The following BROX variants were observed in gnomAD, a reference collection of about 807,000 sequenced individuals.
The protein encoded by BROX is BRO1 domain and CAAX motif containing.
Under a neutral mutation model 61.0 loss-of-function variants are expected in BROX, and 53 were observed. The observed-to-expected ratio is 0.87, with a 90% confidence interval of 0.70 to 1.09. The LOEUF (loss-of-function observed/expected upper bound fraction) is 1.09, where lower values mean the gene tolerates loss of function less well. BROX is among the 50% of genes least tolerant of loss of function. The pLI, the probability that BROX is intolerant of heterozygous loss-of-function variation, is 0.00. For synonymous variants in BROX, 152 were observed against 160.2 expected, an observed-to-expected ratio of 0.95 and a Z score of 0.38; for missense variants, 489 against 472.0, an observed-to-expected ratio of 1.04 and a Z score of -0.33.
chr1:222,722,283 A>G (rs1657157808), intron 4 of BROX, 136 bp from the exon 5 acceptor site: 2 of 719,364 alleles, frequency 2.8e-6, no homozygotes, highest in Non-Finnish European at 4.8e-6. Flanking sequence ...CCCCATCTAT[A>G]TTAAACACAA....
chr1:222,720,976 G>A lies in BROX; in HGVS notation c.306-1443G>A, dbSNP rs139496104. ...GATTGCTGCTTACTCAGTGGAAATC[G>A]TGTTGTGAGTTTATCTGTTCTGAAA... On this transcript the variant is annotated intron_variant, in intron 4 of 12. Coordinates refer to ENST00000340934, the MANE Select transcript of BROX (RefSeq NM_144695.4). Among the ~76,000 whole-genome samples, 18 of 152,212 alleles carry A rather than the reference G, an allele frequency of 1.2e-4. No individual in the cohort carries two copies. In the East Asian group the frequency reaches 2.1e-3, roughly 18 times the overall value.
intron 1 of BROX, chr1:222,713,721 TAA>T (rs1656277352): frequency 6.6e-6 from 1 of 152,188 alleles, no homozygotes; most frequent in Non-Finnish European, 1.5e-5. Context: ...GAGGCCGCAT[TAA>T]AAGAAGTATT....
rs1656126504 is a variant in BROX, at chr1:222,712,567, G to C, written c.-392G>C. On this transcript the variant is annotated 5_prime_UTR_variant, in exon 1 of 13. Transcript: ENST00000340934. ...CGGGTTAGGTTGAGGCCGCCCCACT[G>C]CGCCGAGGGCCGCCATCGCTATTGC... 1.4e-6 allele frequency: 2 copies of C among 1,379,512 alleles called. No homozygotes were observed. Among genetic ancestry groups the C allele is most frequent in the South Asian group, 3.0e-5 (2 of 66,840 alleles). 85.5% of individuals were successfully genotyped at this position (1,379,512 alleles called of 1,614,324 possible).
Position 222,728,768 on chromosome 1 carries a change from T to A in BROX, c.696T>A (p.Pro232=). ...ATCATACTTTATCCAGTTTGGAGCC[T>A]GCATATTCTGCCAAATGGAGAAAAT... is the stretch of plus-strand genomic sequence containing the variant. The part of the protein sequence containing the change: ...KADHTLSSLE[P]AYSAKWRKYL... The change falls in exon 9 of 13, where the codon CCT becomes CCA. Residue 232 remains proline, a synonymous_variant. Transcript: ENST00000340934. 1 of 1,603,064 alleles carries A rather than the reference T, an allele frequency of 6.2e-7. No individual in the cohort carries two copies. The highest frequency in any genetic ancestry group is 8.5e-7 in the Non-Finnish European group (1 of 1,171,902).
Position 222,712,676 on chromosome 1 carries a change from G to A in BROX, c.-283G>A. Reference sequence around the variant, plus strand: ...GACCATAGCTCAAAAGGAAGGCCGAGGGAGAAGTTAGAAAGGGATGATGAA... The same window carrying A: ...GACCATAGCTCAAAAGGAAGGCCGAAGGAGAAGTTAGAAAGGGATGATGAA... On this transcript the variant is annotated 5_prime_UTR_variant, in exon 1 of 13. Transcript: ENST00000340934. 1 of 1,298,090 alleles carries A rather than the reference G, an allele frequency of 7.7e-7. No individual in the cohort carries two copies. The highest frequency in any genetic ancestry group is 1.0e-6 in the Non-Finnish European group (1 of 993,694). 80.4% of individuals were successfully genotyped at this position (1,298,090 alleles called of 1,614,324 possible). A position where few individuals can be genotyped will look rare whatever the true frequency, so the allele number is the denominator to read the frequency against.
chr1:222,714,068 C>T (rs1416895454), intron 1 of BROX: 1 of 152,128 alleles, frequency 6.6e-6, no homozygotes, highest in Non-Finnish European at 1.5e-5. Flanking sequence ...TTTTTTAGTG[C>T]CTTCAAATTA....
At chr1:222,724,796 T>TG (rs1267035850) in intron 6 of BROX, among the ~76,000 whole-genome samples, 1 of 152,032 alleles carries the variant, frequency 6.6e-6, no homozygotes, top group Non-Finnish European at 1.5e-5. Flanking sequence ...AGAATTGTAG[T>TG]GGGGTTTTTT....
Position 222,729,690 on chromosome 1 carries a change from A to C in BROX, c.827A>C (p.Glu276Ala), listed in dbSNP as rs771949126. 1.2e-6 allele frequency: 2 copies of C among 1,610,484 alleles called. No homozygotes were observed. ...KCGEAIRSLQ[E>A]AEKLYAKAEA... ...GGTGAAGCAATCAGGTCTCTCCAAG[A>C]AGCAGAAAAATGTAAGTTTTCCTGC... The change falls in exon 10 of 13, where the codon GAA (glutamate) becomes GCA (alanine). Residue 276 changes from glutamate (E) to alanine (A), a missense_variant. Coordinates refer to ENST00000340934, the MANE Select transcript of BROX (RefSeq NM_144695.4).
chr1:222,732,818 A>G lies in BROX; in HGVS notation c.*104A>G, dbSNP rs778371692. The stretch of plus-strand genomic sequence containing the variant: ...TTTCTCTGAAGCTTGTAGAATAACT[A>G]TTATATTCAGAGGGTTATCTGCCTT... On this transcript the variant is annotated 3_prime_UTR_variant, in exon 13 of 13. Transcript: ENST00000340934. The G allele has an allele frequency of 4.8e-4, 439 of 906,478 alleles. 1 individual carries two copies. The highest frequency in any genetic ancestry group is 4.9e-4 in the Non-Finnish European group (289 of 589,976). 56.2% of individuals were successfully genotyped at this position (906,478 alleles called of 1,614,324 possible).
At chr1:222,723,339 CTA>C (rs767497733) in intron 5 of BROX, among the ~76,000 whole-genome samples, 8 of 152,310 alleles carry the variant, frequency 5.3e-5, no homozygotes, top group South Asian at 2.1e-4. Context: ...TGAGTTCTCA[CTA>C]TGTTTCCTGG....
intron 12 of BROX, among the ~76,000 whole-genome samples, chr1:222,731,749 T>C (rs543727470): frequency 3.3e-5 from 5 of 152,356 alleles, no homozygotes; most frequent in African/African-American, 1.2e-4. Flanking sequence ...ACACATTATC[T>C]TGCCTCTTTA....
At chr1:222,724,826 G>T (rs1657381166) in intron 6 of BROX, among the ~76,000 whole-genome samples, 1 of 152,012 alleles carries the variant, frequency 6.6e-6, no homozygotes, top group African/African-American at 2.4e-5. Context: ...ACAGAGTCTT[G>T]CACTGTCGCC....
In BROX at chr1:222,733,784, A is replaced by G. The variant is rs1390981347; in HGVS notation, c.*1070A>G. 2 of 152,230 alleles carry G rather than the reference A, an allele frequency of 1.3e-5. No homozygotes were observed. Among genetic ancestry groups the G allele is most frequent in the Non-Finnish European group, 2.9e-5 (2 of 68,034 alleles). The allele number at this position is 152,230 out of a possible 1,614,324, so 9.4% of individuals were successfully genotyped here. On this transcript the variant is annotated 3_prime_UTR_variant, in exon 13 of 13. Coordinates refer to ENST00000340934, the MANE Select transcript of BROX (RefSeq NM_144695.4). ...TACTTAGAGGAAAGAACTTTGTAAT[A>G]GCTCTTAATGTTTATATATAAGAGA...
At chr1:222,717,355 C>T (rs538890344) in intron 2 of BROX, among the ~76,000 whole-genome samples, 133 of 152,306 alleles carry the variant, frequency 8.7e-4, no homozygotes, top group African/African-American at 3.1e-3. Flanking sequence ...CCCTTAACTT[C>T]TTTGGGCCTA....
intron 1 of BROX, chr1:222,715,138 C>CT (rs1179956200): frequency 2.6e-5 from 4 of 152,192 alleles, no homozygotes; most frequent in African/African-American, 4.8e-5. Context: ...GCCCTTTTTA[C>CT]TTGCAGTTGT....
chr1:222,713,272 A>C, intron 1 of BROX: 1 of 985,938 alleles, frequency 1.0e-6, no homozygotes, highest in Non-Finnish European at 1.2e-6. Context: ...CTTTCCACAA[A>C]AATGCCTGTT....
In BROX at chr1:222,715,803, A is replaced by T. The variant is rs1456790863; in HGVS notation, c.101+3A>T. 1.3e-6 allele frequency: 2 copies of T among 1,566,248 alleles called. No individual in the cohort carries two copies. The highest frequency in any genetic ancestry group is 1.7e-6 in the Non-Finnish European group (2 of 1,147,514). ...CCTTCTGCTTCAAAAATATGCAAGT[A>T]AGTTTATTGATTGAACCACTCTTAG... On this transcript the variant is annotated splice_donor_region_variant and intron_variant, in intron 2 of 12. Transcript: ENST00000340934.
At chr1:222,727,573 C>A (rs900564750) in intron 8 of BROX, among the ~76,000 whole-genome samples, 5 of 152,100 alleles carry the variant, frequency 3.3e-5, no homozygotes, top group Admixed American at 1.3e-4. Context: ...TAACATGACC[C>A]ATAATTCAAC....
At chr1:222,722,003 A>G (rs752926809) in intron 4 of BROX, among the ~76,000 whole-genome samples, 1 of 152,160 alleles carries the variant, frequency 6.6e-6, no homozygotes, top group Admixed American at 6.5e-5. Flanking sequence ...CTAGCCTGAA[A>G]CAATCTCTCC....
Sources: allele counts gnomAD v4.1 joint callset (sites outside exome capture counted in the v4.1 genomes callset), GRCh38; gene constraint gnomAD v4.1.1; transcripts MANE v1.5; gene names NCBI Gene and HGNC (gene_info 2026-07-23, HGNC 2026-07-21).